Variants in SLC4A10 observed in about 807,000 individuals in gnomAD.
The protein encoded by SLC4A10 is solute carrier family 4 member 10.
A neutral mutation model predicts 137.7 loss-of-function variants in SLC4A10; 42 were observed. That is an observed-to-expected ratio of 0.30 (90% CI 0.24 to 0.39). SLC4A10 has a LOEUF of 0.39. Ranked by LOEUF, SLC4A10 falls within the 10% of genes least tolerant of loss-of-function variation. The probability of loss-of-function intolerance (pLI) is 1.00; values close to 1 mark genes in which losing one functional copy is unlikely to be tolerated. For synonymous variants in SLC4A10, 474 were observed against 464.1 expected, an observed-to-expected ratio of 1.02 and a Z score of -0.27; for missense variants, 925 against 1,355.0, an observed-to-expected ratio of 0.68 and a Z score of 4.98.
chr2:161,815,278 T>C (rs563739862), intron 3 of SLC4A10, among the ~76,000 whole-genome samples: 2 of 152,052 alleles, frequency 1.3e-5, no homozygotes, highest in African/African-American at 2.4e-5. Flanking sequence ...GGTGATTGGA[T>C]TTTGGGGGCG....
intron 7 of SLC4A10, among the ~76,000 whole-genome samples, 156 bp downstream of exon 7, chr2:161,872,540 G>A (rs1163522569): frequency 8.2e-5 from 10 of 121,696 alleles, no homozygotes; most frequent in Non-Finnish European, 1.7e-4. Flanking sequence ...AAGTCCACAT[G>A]TAACATTTTG....
intron 3 of SLC4A10, among the ~76,000 whole-genome samples, chr2:161,836,869 A>G (rs1249287206): frequency 6.6e-6 from 1 of 152,236 alleles, no homozygotes; most frequent in African/African-American, 2.4e-5. Context: ...ATTTCTCATT[A>G]AGAAATATGA....
intron 1 of SLC4A10, among the ~76,000 whole-genome samples, chr2:161,726,734 C>T (rs1033796981): frequency 6.6e-6 from 1 of 152,120 alleles, no homozygotes; most frequent in African/African-American, 2.4e-5. Context: ...CATGGTAAAA[C>T]CTCAACTCTA....
At chr2:161,874,307 A>G (rs1373074843) in intron 8 of SLC4A10, among the ~76,000 whole-genome samples, 4 of 152,254 alleles carry the variant, frequency 2.6e-5, no homozygotes, top group Admixed American at 2.0e-4. Context: ...ATCCTCAGAA[A>G]CAATCATTAT....
At chr2:161,812,869 C>A (rs889284945) in intron 3 of SLC4A10, among the ~76,000 whole-genome samples, 4 of 151,902 alleles carry the variant, frequency 2.6e-5, no homozygotes, top group African/African-American at 9.7e-5. Flanking sequence ...GTATCCTTTT[C>A]CTCTGTAGTT....
chr2:161,850,666 G>A (rs557976620), intron 4 of SLC4A10, among the ~76,000 whole-genome samples: 13 of 151,868 alleles, frequency 8.6e-5, no homozygotes, highest in Admixed American at 1.3e-4. Flanking sequence ...GCCAAGTCTT[G>A]GTTTTGTTGA....
intron 1 of SLC4A10, among the ~76,000 whole-genome samples, chr2:161,725,587 C>T (rs1432827228): frequency 1.3e-5 from 2 of 152,126 alleles, no homozygotes; most frequent in African/African-American, 4.8e-5. Context: ...TATTGGCTTG[C>T]CTGTATCTTA....
At chr2:161,792,951 A>G (rs1312215491) in intron 2 of SLC4A10, among the ~76,000 whole-genome samples, 1 of 152,168 alleles carries the variant, frequency 6.6e-6, no homozygotes, top group Non-Finnish European at 1.5e-5. Context: ...ATGAATAAAT[A>G]TTAAATAATA....
chr2:161,945,989 A>G (rs1259542992), intron 16 of SLC4A10, among the ~76,000 whole-genome samples: 1 of 151,978 alleles, frequency 6.6e-6, no homozygotes, highest in Non-Finnish European at 1.5e-5. Context: ...TACCCATTAT[A>G]TTGCTTAATA....
chr2:161,729,431 T>C (rs1465276250), intron 1 of SLC4A10, among the ~76,000 whole-genome samples: 3 of 152,160 alleles, frequency 2.0e-5, no homozygotes, highest in African/African-American at 7.2e-5. Flanking sequence ...TTTGAGGTGA[T>C]AGAACTAATC....
intron 1 of SLC4A10, among the ~76,000 whole-genome samples, chr2:161,644,015 T>C (rs1574062940): frequency 6.6e-6 from 1 of 152,032 alleles, no homozygotes; most frequent in East Asian, 1.9e-4. Flanking sequence ...CCTTCTTTTA[T>C]GTCTGGGTTT....
intron 1 of SLC4A10, among the ~76,000 whole-genome samples, chr2:161,703,312 C>T (rs778725051): frequency 3.3e-5 from 5 of 151,392 alleles, no homozygotes; most frequent in Non-Finnish European, 5.9e-5. Flanking sequence ...AAGTATGGTA[C>T]CTCTATTTGA....
At chr2:161,668,223 A>C (rs1312041178) in intron 1 of SLC4A10, among the ~76,000 whole-genome samples, 1 of 151,796 alleles carries the variant, frequency 6.6e-6, no homozygotes, top group Non-Finnish European at 1.5e-5. Flanking sequence ...AGTTAAGATA[A>C]ATGCAGCTAA....
chr2:161,664,926 A>C (rs199975627), intron 1 of SLC4A10, among the ~76,000 whole-genome samples: 1 of 151,984 alleles, frequency 6.6e-6, no homozygotes, highest in East Asian at 1.9e-4. Flanking sequence ...CAGAGGCAAC[A>C]TCAAAAAATT....
At chr2:161,861,726 C>T (rs983370029) in intron 5 of SLC4A10, among the ~76,000 whole-genome samples, 2 of 152,080 alleles carry the variant, frequency 1.3e-5, no homozygotes, top group African/African-American at 4.8e-5. Context: ...GCATCAGGTG[C>T]CTTATGTCAT....
At chr2:161,672,070 C>T (rs994404425) in intron 1 of SLC4A10, among the ~76,000 whole-genome samples, 120 of 151,994 alleles carry the variant, frequency 7.9e-4, no homozygotes, top group African/African-American at 2.7e-3. Flanking sequence ...CAAGCTGTCA[C>T]GATAAGCACG....
chr2:161,953,580 C>T (rs1204604347), intron 19 of SLC4A10, among the ~76,000 whole-genome samples: 1 of 151,906 alleles, frequency 6.6e-6, no homozygotes, highest in Non-Finnish European at 1.5e-5. Flanking sequence ...TGCACCCTGG[C>T]CTGGGCGACA....
chr2:161,676,762 G>A (rs2040318776), intron 1 of SLC4A10, among the ~76,000 whole-genome samples: 1 of 152,010 alleles, frequency 6.6e-6, no homozygotes, highest in Admixed American at 6.6e-5. Flanking sequence ...TGTAACTTAA[G>A]TTGCTTCACA....
intron 1 of SLC4A10, among the ~76,000 whole-genome samples, chr2:161,731,797 A>C (rs2046847308): frequency 6.6e-6 from 1 of 152,122 alleles, no homozygotes; most frequent in Non-Finnish European, 1.5e-5. Context: ...CTTATTTTTA[A>C]ATTTTTTACT....
Sources: allele counts gnomAD v4.1 joint callset (sites outside exome capture counted in the v4.1 genomes callset), GRCh38; gene constraint gnomAD v4.1.1; transcripts MANE v1.5; gene names NCBI Gene and HGNC (gene_info 2026-07-23, HGNC 2026-07-21).